Variants in FGF13 observed in about 807,000 individuals in gnomAD.
FGF13 encodes the protein fibroblast growth factor 13.
A neutral mutation model predicts 19.5 loss-of-function variants in FGF13; 2 were observed. The observed-to-expected ratio is 0.10, with a 90% confidence interval of 0.04 to 0.32. The LOEUF is 0.32. Among genes scored for constraint, FGF13 ranks in the 10% least tolerant of loss-of-function variants. FGF13 has a pLI of 1.00. For missense variants in FGF13, 113 were observed against 192.7 expected, an observed-to-expected ratio of 0.59 and a Z score of 2.45; for synonymous variants, 72 against 76.9, an observed-to-expected ratio of 0.94 and a Z score of 0.33.
At chrX:139,015,416 T>A (rs1237867866) in intron 1 of FGF13, among the ~76,000 whole-genome samples, 2 of 111,206 alleles carry the variant, frequency 1.8e-5, no homozygotes, top group Non-Finnish European at 3.8e-5. Flanking sequence ...AGCATTTCTA[T>A]ATGCCAACAG....
At chrX:138,689,959 AG>A (rs1259507207) in intron 3 of FGF13, among the ~76,000 whole-genome samples, 1 of 112,340 alleles carries the variant, frequency 8.9e-6, no homozygotes, top group East Asian at 2.8e-4. Context: ...TACTGAAAGC[AG>A]AACTTTTTTG....
intron 3 of FGF13, among the ~76,000 whole-genome samples, chrX:138,821,163 A>G (rs753212313): frequency 2.8e-4 from 31 of 111,494 alleles, no homozygotes; most frequent in African/African-American, 9.4e-4. Flanking sequence ...CCAAACAGCC[A>G]ATGGTAAAGC....
intron 1 of FGF13, among the ~76,000 whole-genome samples, chrX:138,730,343 AAAT>A (rs1331555261): frequency 7.2e-5 from 8 of 111,498 alleles, no homozygotes; most frequent in African/African-American, 2.0e-4. Context: ...AATAATAAAA[AAAT>A]AATAATAATG....
chrX:138,672,602 G>A (rs527633185), intron 3 of FGF13, among the ~76,000 whole-genome samples: 6 of 112,007 alleles, frequency 5.4e-5, no homozygotes, highest in African/African-American at 9.7e-5. Context: ...CTTGTTAACC[G>A]AAATACGATA....
intron 1 of FGF13, among the ~76,000 whole-genome samples, chrX:139,052,580 G>A (rs1438542579): frequency 2.7e-5 from 3 of 111,835 alleles, no homozygotes; most frequent in Non-Finnish European, 5.6e-5. Context: ...TATTGTTGTG[G>A]TGGAGAAGGA....
At chrX:138,931,418 G>A (rs765526942) in intron 1 of FGF13, among the ~76,000 whole-genome samples, 6 of 112,021 alleles carry the variant, frequency 5.4e-5, no homozygotes, top group South Asian at 3.8e-4. Flanking sequence ...TTGCTTTAGC[G>A]CAGATGTTTT....
At chrX:138,961,439 G>A (rs1441456023) in intron 1 of FGF13, among the ~76,000 whole-genome samples, 3 of 111,122 alleles carry the variant, frequency 2.7e-5, no homozygotes, top group African/African-American at 6.5e-5. Flanking sequence ...TAGGCTACTC[G>A]GGGGTCAAGG....
At chrX:139,170,181 C>A (rs1008316465) in intron 1 of FGF13, among the ~76,000 whole-genome samples, 2 of 111,490 alleles carry the variant, frequency 1.8e-5, no homozygotes, top group Non-Finnish European at 3.8e-5. Context: ...TTCAGTCCAC[C>A]CTCTGTCTTG....
intron 1 of FGF13, among the ~76,000 whole-genome samples, chrX:139,040,139 C>A (rs967978103): frequency 4.5e-5 from 5 of 111,801 alleles, no homozygotes; most frequent in African/African-American, 1.6e-4. Flanking sequence ...CCCATTTAAT[C>A]CTCACAATAG....
intron 1 of FGF13, among the ~76,000 whole-genome samples, chrX:139,082,223 C>T (rs772430735): frequency 1.8e-5 from 2 of 111,189 alleles, no homozygotes; most frequent in Non-Finnish European, 3.8e-5. Flanking sequence ...AGTGCTGTTC[C>T]CTCAGATATC....
intron 3 of FGF13, among the ~76,000 whole-genome samples, chrX:138,845,594 G>C (rs1310734812): frequency 1.8e-5 from 2 of 111,522 alleles, no homozygotes; most frequent in Admixed American, 1.9e-4. Flanking sequence ...GGAAGGGAGA[G>C]AGACCACTTT....
At chrX:138,649,505 C>T (rs979506840) in intron 3 of FGF13, among the ~76,000 whole-genome samples, 13 of 111,529 alleles carry the variant, frequency 1.2e-4, no homozygotes, top group African/African-American at 4.2e-4. Context: ...TCCTCTCCTG[C>T]CCAAGTTATG....
chrX:138,894,134 C>T (rs2091491019), intron 1 of FGF13, among the ~76,000 whole-genome samples: 1 of 109,840 alleles, frequency 9.1e-6, no homozygotes, highest in Non-Finnish European at 1.9e-5. Context: ...AACTTTTTTA[C>T]CATTCTAATA....
At chrX:138,898,082 C>T (rs2124205193) in intron 1 of FGF13, among the ~76,000 whole-genome samples, 1 of 111,090 alleles carries the variant, frequency 9.0e-6, no homozygotes, top group East Asian at 2.8e-4. Context: ...GCCATGGGAT[C>T]TTTCTCCCGC....
At chrX:139,146,431 C>T (rs2083889785) in intron 1 of FGF13, among the ~76,000 whole-genome samples, 1 of 112,232 alleles carries the variant, frequency 8.9e-6, no homozygotes, top group South Asian at 3.7e-4. Context: ...TACCATCTCA[C>T]ACCAGTTAGC....
Position 138,628,192 on chromosome X carries a change from A to G in FGF13, c.*4658T>C, listed in dbSNP as rs2089082899. 8.9e-6 allele frequency: 1 copy of G among 112,002 alleles called. No homozygotes were observed. The highest frequency in any genetic ancestry group is 3.2e-5 in the African/African-American group (1 of 30,773). 9.2% of individuals were successfully genotyped at this position (112,002 alleles called of 1,213,427 possible). A position where few individuals can be genotyped will look rare whatever the true frequency, so the allele number is the denominator to read the frequency against. On this transcript the variant is annotated 3_prime_UTR_variant, in exon 5 of 5. Coordinates refer to ENST00000315930, the MANE Select transcript of FGF13 (RefSeq NM_004114.5). ...TTTTCAGTATACTATTACTTGTAGC[A>G]TTCTCAATCGTGTGAAACCATGAGA...
At chrX:139,117,090 A>C (rs72616266) in intron 1 of FGF13, among the ~76,000 whole-genome samples, 2,280 of 110,864 alleles carry the variant, frequency 0.021, 17 homozygotes, top group East Asian at 0.073. Context: ...TTTTAGGAGT[A>C]ATCACTCAAG....
chrX:138,694,986 AACACACACACACACACAC>A lies in FGF13; in HGVS notation c.402+7980_402+7997del, dbSNP rs745359063. On this transcript the variant is annotated intron_variant, in intron 3 of 4. Coordinates refer to ENST00000315930, the MANE Select transcript of FGF13 (RefSeq NM_004114.5). ...TCCCAGTGGATTATTTACTAGTTGA[AACACACACACACACACAC>A]ACACACACACACACACACACACACA... 2.0e-3 allele frequency among the ~76,000 whole-genome samples: 173 copies of A among 84,759 alleles called. 1 individual carries two copies. The highest frequency in any genetic ancestry group is 6.9e-3 in the African/African-American group (157 of 22,610). The allele number at this position is 84,759 out of a possible 115,157, so 73.6% of individuals were successfully genotyped here.
chrX:138,621,727 G>A lies in FGF13; in HGVS notation c.*11123C>T, dbSNP rs1377371662. ...GAGTAACTGAGAGTGAAAGAGAAAAGACATAAACAAATAAAATCAGAAATG... is the reference window on the plus strand; with the variant it reads ...GAGTAACTGAGAGTGAAAGAGAAAAAACATAAACAAATAAAATCAGAAATG... On this transcript the variant is annotated 3_prime_UTR_variant, in exon 5 of 5. Transcript: ENST00000315930. 2 of 110,686 alleles carry A rather than the reference G, an allele frequency of 1.8e-5. No individual in the cohort carries two copies. Among genetic ancestry groups the A allele is most frequent in the Admixed American group, 9.6e-5 (1 of 10,399 alleles). 9.1% of individuals were successfully genotyped at this position (110,686 alleles called of 1,213,427 possible).
Sources: gnomAD v4.1 joint callset for allele counts (sites outside exome capture counted in the v4.1 genomes callset) on GRCh38, gnomAD v4.1.1 for gene constraint, MANE v1.5 for transcripts, NCBI Gene and HGNC (gene_info 2026-07-23, HGNC 2026-07-21) for gene names.